The following SHPRH variants were observed in gnomAD, a reference collection of about 807,000 sequenced individuals.
SHPRH encodes the protein SNF2 histone linker PHD RING helicase.
A neutral mutation model predicts 202.5 loss-of-function variants in SHPRH; 106 were observed. The ratio of observed to expected loss-of-function variants is 0.52; its 90% CI spans 0.45 to 0.62. The LOEUF (loss-of-function observed/expected upper bound fraction) is 0.62, where lower values mean the gene tolerates loss of function less well. Among genes scored for constraint, SHPRH ranks in the 20% least tolerant of loss-of-function variants. SHPRH has a pLI of 0.00. For synonymous variants in SHPRH, 729 were observed against 686.0 expected (o/e 1.06, Z -0.98); for missense variants, 1,710 against 2,020.0 (o/e 0.85, Z 2.94).
intron 28 of SHPRH, 91 bp downstream of exon 28, chr6:145,893,124 G>T: frequency 1.8e-6 from 2 of 1,101,532 alleles, no homozygotes; most frequent in Non-Finnish European, 1.2e-6. Flanking sequence ...AAACAAGTAC[G>T]CTATGATGAA....
chr6:145,894,806 A>T, intron 26 of SHPRH, 79 bp downstream of exon 26: 1 of 1,267,290 alleles, frequency 7.9e-7, no homozygotes, highest in Non-Finnish European at 1.1e-6. Context: ...AAACATCAAA[A>T]ATTAGTTCTC....
At chr6:145,914,596 C>T (rs1019788634) in intron 23 of SHPRH, among the ~76,000 whole-genome samples, 2 of 152,100 alleles carry the variant, frequency 1.3e-5, no homozygotes, top group African/African-American at 4.8e-5. Flanking sequence ...GAATTTTTCC[C>T]ATGCATGGTA....
chr6:145,923,258 A>T (rs1164633188), intron 18 of SHPRH, among the ~76,000 whole-genome samples: 1 of 151,714 alleles, frequency 6.6e-6, no homozygotes, highest in African/African-American at 2.4e-5. Flanking sequence ...TAAGAGTTAT[A>T]TTCCTTGGTT....
At chr6:145,895,874 G>T (rs752656821) in intron 25 of SHPRH, among the ~76,000 whole-genome samples, 7 of 151,986 alleles carry the variant, frequency 4.6e-5, no homozygotes, top group Admixed American at 2.6e-4. Context: ...ATGAGAAAAT[G>T]TATACGAAGC....
chr6:145,873,610 C>A (rs1780153724), intron 2 of SHPRH, among the ~76,000 whole-genome samples: 2 of 151,510 alleles, frequency 1.3e-5, no homozygotes, highest in African/African-American at 4.9e-5. Flanking sequence ...AAGAAACCAG[C>A]ATGCCCATGC....
chr6:145,896,751 G>T (rs972364688), intron 25 of SHPRH, among the ~76,000 whole-genome samples: 4 of 151,826 alleles, frequency 2.6e-5, no homozygotes, highest in Non-Finnish European at 5.9e-5. Flanking sequence ...GAGGAATTTT[G>T]GAATTAACAA....
intron 29 of SHPRH, among the ~76,000 whole-genome samples, chr6:145,887,481 T>C (rs2128707570): frequency 6.6e-6 from 1 of 152,124 alleles, no homozygotes; most frequent in East Asian, 1.9e-4. Flanking sequence ...GTTTAGTCTC[T>C]CTGCTTTTGT....
intron 28 of SHPRH, among the ~76,000 whole-genome samples, chr6:145,890,757 C>T (rs1781502461): frequency 6.6e-6 from 1 of 152,202 alleles, no homozygotes; most frequent in Non-Finnish European, 1.5e-5. Flanking sequence ...CTTACCAAAT[C>T]TGCTCTACCC....
chr6:145,878,187 A>C (rs1422043782), intron 2 of SHPRH, among the ~76,000 whole-genome samples: 3 of 152,206 alleles, frequency 2.0e-5, no homozygotes, highest in African/African-American at 7.2e-5. Context: ...AGCAAAATTG[A>C]GCAGAAAGTA....
chr6:145,914,761 A>C (rs961980078), intron 23 of SHPRH, among the ~76,000 whole-genome samples: 1 of 152,066 alleles, frequency 6.6e-6, no homozygotes. Context: ...ATTTCTATTA[A>C]ACTTTTAGGG....
In SHPRH at chr6:145,943,388, C is replaced by T. The variant is rs758183894; in HGVS notation, c.1993G>A (p.Glu665Lys). The T allele has an allele frequency of 6.2e-7, 1 of 1,614,046 alleles. No homozygotes were observed. The highest frequency in any genetic ancestry group is 1.7e-5 in the Admixed American group (1 of 59,988). ...SDYRFECICG[E>K]LDQIDRKPRV... is the part of the protein sequence containing the mutation. ...GGCTTACGATCTATCTGATCAAGTT[C>T]ACCACATATACACTCAAAGCGGTAA... The change falls in exon 9 of 30, where the codon GAA (glutamate) becomes AAA (lysine). Residue 665 changes from glutamate (E) to lysine (K), a missense_variant. Around this residue, in one of 8 missense-constraint regions of SHPRH, gnomAD observed 348 missense variants for 356.9 expected, o/e 0.97. Coordinates refer to ENST00000275233, the MANE Select transcript of SHPRH (RefSeq NM_001042683.3).
chr6:145,943,938 C>CTGA, intron 8 of SHPRH, 136 bp from the exon 9 acceptor site: 1 of 825,482 alleles, frequency 1.2e-6, no homozygotes. Flanking sequence ...AGAATCACTC[C>CTGA]TGATAAGTGG....
Position 145,952,349 on chromosome 6 carries a change from C to G in SHPRH, c.763G>C (p.Asp255His). The G allele has an allele frequency of 6.3e-7, 1 of 1,590,688 alleles. No homozygotes were observed. Among genetic ancestry groups the G allele is most frequent in the Non-Finnish European group, 8.6e-7 (1 of 1,169,088 alleles). ...MEKLHNSIIP[D>H]VLEEDEDDPE... Reference sequence around the variant, plus strand: ...TTTTTAAGTTTACTGTAAATATTACCTGGAATAATAGAATTGTGTAACTTT... The same window carrying G: ...TTTTTAAGTTTACTGTAAATATTACGTGGAATAATAGAATTGTGTAACTTT... Residue 255 changes from aspartate (D) to histidine (H), a missense_variant and splice_region_variant, in exon 3 of 30, where the codon GAT becomes CAT. Coordinates refer to ENST00000275233, the MANE Select transcript of SHPRH (RefSeq NM_001042683.3).
downstream of SHPRH, among the ~76,000 whole-genome samples, chr6:145,880,563 A>G (rs1312824562): frequency 6.6e-6 from 1 of 151,802 alleles, no homozygotes; most frequent in Non-Finnish European, 1.5e-5. Context: ...TGGGAGGTTG[A>G]GGCTGCAGTG....
intron 1 of SHPRH, among the ~76,000 whole-genome samples, chr6:145,956,284 T>G (rs1788502293): frequency 6.6e-6 from 1 of 152,202 alleles, no homozygotes; most frequent in South Asian, 2.1e-4. Context: ...TTCCAACTTC[T>G]ATAAAAACCA....
At chr6:145,942,499 C>G (rs1224348865) in intron 9 of SHPRH, among the ~76,000 whole-genome samples, 2 of 152,186 alleles carry the variant, frequency 1.3e-5, no homozygotes, top group African/African-American at 4.8e-5. Flanking sequence ...CAGTATTCTC[C>G]ATGCCTATGT....
chr6:145,877,314 C>A (rs1396932832), intron 2 of SHPRH, among the ~76,000 whole-genome samples: 1 of 152,160 alleles, frequency 6.6e-6, no homozygotes, highest in African/African-American at 2.4e-5. Flanking sequence ...GTATCCTTAA[C>A]AAAACTTGTT....
At chr6:145,879,910 C>CAAAAAAAAAAAAAAAA (rs67055862), downstream of SHPRH, among the ~76,000 whole-genome samples, 6 of 61,100 alleles carry the variant, frequency 9.8e-5, no homozygotes, top group East Asian at 4.9e-4. Context: ...AACTCAATCT[C>CAAAAAAAAAAAAAAAA]AAAAAAAAAA....
chr6:145,878,442 T>C (rs2128697415), intron 2 of SHPRH, among the ~76,000 whole-genome samples: 1 of 152,336 alleles, frequency 6.6e-6, no homozygotes, highest in South Asian at 2.1e-4. Flanking sequence ...TCCCGTTTTG[T>C]TTATTCATTC....
Sources: allele counts gnomAD v4.1 joint callset (sites outside exome capture counted in the v4.1 genomes callset), GRCh38; gene constraint gnomAD v4.1.1; regional missense constraint gnomAD v4.1.1; transcripts MANE v1.5; gene names NCBI Gene and HGNC (gene_info 2026-07-23, HGNC 2026-07-21).